PLD3: variants seen among roughly 807,000 people sequenced by gnomAD.
PLD3 encodes the protein 5'-3' exonuclease PLD3.
In PLD3, 31 loss-of-function variants were observed where a neutral mutation model predicts 58.4. The observed-to-expected ratio is 0.53, with a 90% CI of 0.40 to 0.72. PLD3 has a LOEUF of 0.72. Among genes scored for constraint, PLD3 ranks in the 30% least tolerant of loss-of-function variants. The pLI is 0.00. For missense variants in PLD3, 595 were observed against 659.8 expected (o/e 0.90, Z 1.08); for synonymous variants, 264 against 273.4 (o/e 0.97, Z 0.34).
At chr19:40,361,058 G>A (rs1204959347) in intron 1 of PLD3, among the ~76,000 whole-genome samples, 1 of 152,116 alleles carries the variant, frequency 6.6e-6, no homozygotes, top group Non-Finnish European at 1.5e-5. Flanking sequence ...AAGGCAGGAG[G>A]GTCACCTGAG....
intron 1 of PLD3, among the ~76,000 whole-genome samples, chr19:40,353,895 T>G (rs2078583470): frequency 6.6e-6 from 1 of 150,968 alleles, no homozygotes; most frequent in South Asian, 2.1e-4. Context: ...GTTATTATTT[T>G]TCTTTCTTTA....
intron 1 of PLD3, among the ~76,000 whole-genome samples, chr19:40,354,097 A>G (rs1600259156): frequency 7.7e-6 from 1 of 129,140 alleles, no homozygotes; most frequent in Non-Finnish European, 1.6e-5. Flanking sequence ...TTTTTGAGAC[A>G]GAGTCTCGCT....
intron 1 of PLD3, among the ~76,000 whole-genome samples, chr19:40,364,825 A>C (rs2078877537): frequency 6.7e-6 from 1 of 149,794 alleles, no homozygotes; most frequent in Non-Finnish European, 1.5e-5. Context: ...GCAGCTGGGC[A>C]TGGTGGCACG....
intron 1 of PLD3, among the ~76,000 whole-genome samples, chr19:40,349,881 C>G (rs1345622764): frequency 1.3e-5 from 2 of 150,740 alleles, no homozygotes; most frequent in Non-Finnish European, 2.9e-5. Flanking sequence ...TGGCTTGAAC[C>G]GGGGAGGTGG....
At chr19:40,353,874 G>T (rs983456778) in intron 1 of PLD3, among the ~76,000 whole-genome samples, 9 of 149,996 alleles carry the variant, frequency 6.0e-5, no homozygotes, top group Non-Finnish European at 1.0e-4. Flanking sequence ...CACCACACCT[G>T]GCCCTACCAT....
Position 40,370,230 on chromosome 19 carries a change from T to C in PLD3, c.671T>C (p.Leu224Pro). 6.2e-7 allele frequency: 1 copy of C among 1,613,172 alleles called. No individual in the cohort carries two copies. Among genetic ancestry groups the C allele is most frequent in the Non-Finnish European group, 8.5e-7 (1 of 1,179,502 alleles). Residue 224 changes from leucine to proline, a missense_variant, in exon 8 of 13, where the codon CTG becomes CCG. Leu to Pro is a moderately conservative substitution (Grantham distance 98, BLOSUM62 -3). Transcript: ENST00000409735. ...LGSANMDWRS[L>P]TQVKELGVVM... ...AGTGCCAACATGGACTGGCGTTCACTGACCCAGGTCTGTCTGCACCCTGTC... is the reference window on the plus strand; with the variant it reads ...AGTGCCAACATGGACTGGCGTTCACCGACCCAGGTCTGTCTGCACCCTGTC...
intron 1 of PLD3, among the ~76,000 whole-genome samples, chr19:40,350,323 T>G (rs986243315): frequency 1.3e-5 from 2 of 148,652 alleles, no homozygotes; most frequent in Non-Finnish European, 3.0e-5. Context: ...TCCCAGCGCC[T>G]CAGTTACTGC....
At chr19:40,351,877 G>A (rs1336354901) in intron 1 of PLD3, among the ~76,000 whole-genome samples, 2 of 152,188 alleles carry the variant, frequency 1.3e-5, no homozygotes, top group Non-Finnish European at 2.9e-5. Flanking sequence ...TTCTACCCAG[G>A]ATCGACTAGT....
chr19:40,368,271 GTTTC>G (rs1209347642), intron 6 of PLD3, among the ~76,000 whole-genome samples: 4 of 152,154 alleles, frequency 2.6e-5, no homozygotes, highest in African/African-American at 9.7e-5. Context: ...TCCAGCTTCA[GTTTC>G]TTTATCTGTA....
intron 10 of PLD3, among the ~76,000 whole-genome samples, chr19:40,375,582 G>A (rs137958872): frequency 0.016 from 2,399 of 150,534 alleles, 144 homozygotes; most frequent in Admixed American, 0.12. Context: ...CCCGGGAGTC[G>A]GAGGTTGCAG....
At chr19:40,375,664 G>A (rs938370892) in intron 10 of PLD3, among the ~76,000 whole-genome samples, 13 of 136,222 alleles carry the variant, frequency 9.5e-5, no homozygotes, top group East Asian at 4.3e-4. Flanking sequence ...AAAAAAAAAA[G>A]AAAAGAAAAA....
chr19:40,366,780 G>T lies in PLD3; in HGVS notation c.110G>T (p.Arg37Leu), dbSNP rs551176741. The part of the protein sequence containing the change: ...EAWKAAEKKA[R>L]WVLLVLILAV... The stretch of plus-strand genomic sequence containing the variant: ...ACCTCCTCCTCCCCACAGAAAGCCC[G>T]CTGGGTCCTGCTGGTCCTCATTCTG... Residue 37 changes from arginine (R) to leucine (L), a missense_variant, in exon 5 of 13, where the codon CGC (arginine) becomes CTC (leucine). Arg to Leu is a moderately radical substitution (Grantham distance 102). Coordinates refer to ENST00000409735, the MANE Select transcript of PLD3 (RefSeq NM_012268.4). The T allele has an allele frequency of 6.2e-7, 1 of 1,613,852 alleles. No individual in the cohort carries two copies.
intron 10 of PLD3, 90 bp from the exon 11 acceptor site, chr19:40,376,519 C>A: frequency 7.7e-7 from 1 of 1,305,400 alleles, no homozygotes. Context: ...TAAAGCAGGG[C>A]CCAGGCTTGG....
intron 6 of PLD3, 113 bp downstream of exon 6, chr19:40,367,992 C>G: frequency 1.1e-6 from 1 of 893,294 alleles, no homozygotes; most frequent in Non-Finnish European, 1.7e-6. Context: ...GGGTGTGTCT[C>G]ACACAGCAGA....
At chr19:40,351,199 C>A (rs1356328672) in intron 1 of PLD3, among the ~76,000 whole-genome samples, 1 of 151,608 alleles carries the variant, frequency 6.6e-6, no homozygotes, top group Non-Finnish European at 1.5e-5. Flanking sequence ...CCAATACACT[C>A]CAGCCTGGGC....
rs2079078517 is a variant in PLD3, at chr19:40,371,993, A to G, written c.879+120A>G. On this transcript the variant is annotated intron_variant, in intron 9 of 12. Transcript: ENST00000409735. Reference sequence around the variant, plus strand: ...TATCCTGACCATCAGTTCTCACCCCAGCTCATTCTGCTTGGTCAGGGGCCT... The same window carrying G: ...TATCCTGACCATCAGTTCTCACCCCGGCTCATTCTGCTTGGTCAGGGGCCT... 6.4e-6 allele frequency: 5 copies of G among 784,764 alleles called. No individual in the cohort carries two copies. In the South Asian group the frequency reaches 7.8e-5, roughly 12 times the overall value. The allele number at this position is 784,764 out of a possible 1,614,324, so 48.6% of individuals were successfully genotyped here.
chr19:40,369,938 C>A lies in PLD3; in HGVS notation c.460C>A (p.Leu154Met). ...GEEVLRQLQT[L>M]APKGVNVRIA... Reference sequence around the variant, plus strand: ...GGAGGTCCTCCGGCAGCTGCAGACCCTGGCACCAAAGGGCGTGAACGTCCG... The same window carrying A: ...GGAGGTCCTCCGGCAGCTGCAGACCATGGCACCAAAGGGCGTGAACGTCCG... Residue 154 changes from leucine (L) to methionine (M), a missense_variant, in exon 7 of 13, where the codon CTG (leucine) becomes ATG (methionine). Physicochemically the swap from Leu to Met is conservative, Grantham distance 15. Transcript: ENST00000409735. 6.4e-7 allele frequency: 1 copy of A among 1,562,428 alleles called. No individual in the cohort carries two copies.
intron 1 of PLD3, among the ~76,000 whole-genome samples, chr19:40,351,228 C>T (rs1370134159): frequency 1.5e-5 from 2 of 134,326 alleles, no homozygotes; most frequent in Non-Finnish European, 3.4e-5. Context: ...GAGACCCTGT[C>T]TCAAAACAAA....
intron 1 of PLD3, chr19:40,357,033 C>T (rs936215659): frequency 1.3e-5 from 2 of 152,052 alleles, no homozygotes; most frequent in Non-Finnish European, 2.9e-5. Context: ...TTAAAGGGTC[C>T]GTTGAAATAA....
Sources: allele counts gnomAD v4.1 joint callset (sites outside exome capture counted in the v4.1 genomes callset), GRCh38; gene constraint gnomAD v4.1.1; transcripts MANE v1.5; gene names NCBI Gene and HGNC (gene_info 2026-07-23, HGNC 2026-07-21).